Variants in ZNF827 observed in about 807,000 individuals in gnomAD.
ZNF827 encodes zinc finger protein 827.
ZNF827 carries 13 observed loss-of-function variants against 102.4 expected under a neutral mutation model. The ratio of observed to expected loss-of-function variants is 0.13; its 90% CI spans 0.08 to 0.20. The LOEUF is 0.20. Among genes scored for constraint, ZNF827 ranks in the 10% least tolerant of loss-of-function variants. ZNF827 has a pLI of 1.00. For synonymous variants in ZNF827, 523 were observed against 536.2 expected (o/e 0.98, Z 0.34); for missense variants, 1,103 against 1,344.4 (o/e 0.82, Z 2.81).
At chr4:145,887,959 A>G (rs538453792) in intron 3 of ZNF827, among the ~76,000 whole-genome samples, 10 of 152,340 alleles carry the variant, frequency 6.6e-5, no homozygotes, top group Admixed American at 5.2e-4. Context: ...GAGGGGAGCT[A>G]ATCCAAGAAC....
At position 145,763,356 on chromosome 4, in the gene ZNF827, C is replaced by A. The variant is rs941437981; in HGVS notation, c.3231-234G>T. Among the ~76,000 whole-genome samples the A allele has an allele frequency of 6.6e-6, 1 of 152,222 alleles. No homozygotes were observed. ...AGACACTCTCTCAGGCAAATTAATT[C>A]TCTGATATGGCAAAGGAAACAAAAC... On this transcript the variant is annotated intron_variant, in intron 13 of 14. Transcript: ENST00000508784. This position sits in a 1 kb window ranked among gnomAD's most constrained non-coding sequence, Gnocchi z 4.6.
chr4:145,836,128 C>A (rs927048094), intron 7 of ZNF827, among the ~76,000 whole-genome samples: 3 of 152,022 alleles, frequency 2.0e-5, no homozygotes, highest in African/African-American at 7.2e-5. Flanking sequence ...TCACAGACAG[C>A]CCCCGTTACT....
chr4:145,774,445 A>C lies in ZNF827; in HGVS notation c.2860+61T>G, dbSNP rs1215101909. 1.9e-6 allele frequency: 3 copies of C among 1,549,864 alleles called. No individual in the cohort carries two copies. The African/African-American group carries it at 4.1e-5, about 21-fold the overall frequency. On this transcript the variant is annotated intron_variant, in intron 11 of 14. Transcript: ENST00000508784. ...AGTGGGGATGCTTCGGCCAGGTGGCAGGTGCTCTGGGGTGCAGGGGATGGA... is the reference window on the plus strand; with the variant it reads ...AGTGGGGATGCTTCGGCCAGGTGGCCGGTGCTCTGGGGTGCAGGGGATGGA...
intron 5 of ZNF827, among the ~76,000 whole-genome samples, chr4:145,857,847 T>G (rs1371220669): frequency 6.6e-6 from 1 of 152,154 alleles, no homozygotes; most frequent in Non-Finnish European, 1.5e-5. Flanking sequence ...GCATTTGAAC[T>G]ATATATATGC....
intron 1 of ZNF827, among the ~76,000 whole-genome samples, chr4:145,935,636 CTT>C (rs2127008892): frequency 6.6e-6 from 1 of 152,306 alleles, no homozygotes; most frequent in South Asian, 2.1e-4. Flanking sequence ...GTAAAAGTGA[CTT>C]TATGTGACTG....
chr4:145,888,279 T>A (rs1750295459), intron 3 of ZNF827, among the ~76,000 whole-genome samples: 1 of 152,218 alleles, frequency 6.6e-6, no homozygotes, highest in African/African-American at 2.4e-5. Flanking sequence ...CTGCAGTTTT[T>A]CCCCCTTCTC....
chr4:145,827,679 T>C (rs1292935847), intron 7 of ZNF827, among the ~76,000 whole-genome samples: 1 of 152,246 alleles, frequency 6.6e-6, no homozygotes. Flanking sequence ...ATCCTTCTGG[T>C]ACCCAGATTA....
At chr4:145,878,656 A>AAGGAAGGGAGAGAGAGGAAGGGAGG (rs1579453470) in intron 4 of ZNF827, among the ~76,000 whole-genome samples, 3 of 113,908 alleles carry the variant, frequency 2.6e-5, no homozygotes, top group South Asian at 3.2e-4. Flanking sequence ...AAAGGAAAGG[A>AAGGAAGGGAGAGAGAGGAAGGGAGG]AAGGGAGAGA....
intron 1 of ZNF827, among the ~76,000 whole-genome samples, chr4:145,935,977 T>TG (rs1754134093): frequency 6.9e-6 from 1 of 144,928 alleles, no homozygotes; most frequent in South Asian, 2.1e-4. Flanking sequence ...CCCGCCAACA[T>TG]TTTTTTTTTT....
chr4:145,784,854 T>A (rs1422477017), intron 8 of ZNF827, among the ~76,000 whole-genome samples: 3 of 152,100 alleles, frequency 2.0e-5, no homozygotes, highest in Admixed American at 2.0e-4. Flanking sequence ...TGGTAACCTC[T>A]TTTTTTGTAC....
intron 1 of ZNF827, among the ~76,000 whole-genome samples, chr4:145,920,659 C>A (rs761999878): frequency 6.6e-6 from 1 of 152,216 alleles, no homozygotes; most frequent in Non-Finnish European, 1.5e-5. Context: ...TCTCTAAAGT[C>A]CTTTCCACCT....
chr4:145,931,637 C>T (rs1464514978), intron 1 of ZNF827, among the ~76,000 whole-genome samples: 1 of 152,222 alleles, frequency 6.6e-6, no homozygotes, highest in Non-Finnish European at 1.5e-5. Flanking sequence ...ATTACCAATA[C>T]ATCACTCAGA....
Position 145,938,632 on chromosome 4 carries a change from T to C in ZNF827, c.-225A>G. ...TTCCTTTCTTTTTTCCTTTTTTTTT[T>C]TTTTTTAAATTTTTGGTCGTGCACC... On this transcript the variant is annotated 5_prime_UTR_variant, in exon 1 of 15. Transcript: ENST00000508784. The C allele has an allele frequency of 1.8e-6, 1 of 560,322 alleles. No homozygotes were observed. The highest frequency in any genetic ancestry group is 3.2e-6 in the Non-Finnish European group (1 of 316,326). The allele number at this position is 560,322 out of a possible 1,614,324, so 34.7% of individuals were successfully genotyped here. A position where few individuals can be genotyped will look rare whatever the true frequency, so the allele number is the denominator to read the frequency against.
chr4:145,861,033 G>A (rs1278900951), intron 5 of ZNF827, among the ~76,000 whole-genome samples: 3 of 152,196 alleles, frequency 2.0e-5, no homozygotes, highest in Admixed American at 1.3e-4. Flanking sequence ...CTTGCCCAGT[G>A]GGTGACCCGG....
chr4:145,829,684 A>C (rs1029897155), intron 7 of ZNF827, among the ~76,000 whole-genome samples: 1 of 152,204 alleles, frequency 6.6e-6, no homozygotes, highest in Non-Finnish European at 1.5e-5. Context: ...GTGGGAGCCA[A>C]CGTGTTCTTT....
At chr4:145,805,467 A>G (rs1292547000) in intron 8 of ZNF827, among the ~76,000 whole-genome samples, 1 of 152,202 alleles carries the variant, frequency 6.6e-6, no homozygotes, top group Non-Finnish European at 1.5e-5. Flanking sequence ...CACCATCAAT[A>G]ATTAACTAAT....
chr4:145,803,099 T>C (rs1399804471), intron 8 of ZNF827, among the ~76,000 whole-genome samples: 1 of 152,214 alleles, frequency 6.6e-6, no homozygotes, highest in African/African-American at 2.4e-5. Context: ...TCATCACTTA[T>C]CTACTTTACC....
chr4:145,916,366 G>A (rs1752668140), intron 1 of ZNF827, among the ~76,000 whole-genome samples: 1 of 152,162 alleles, frequency 6.6e-6, no homozygotes, highest in Admixed American at 6.5e-5. Flanking sequence ...TGACACCTGG[G>A]GTGAACTGGG....
At chr4:145,856,154 A>G (rs538302880) in intron 5 of ZNF827, among the ~76,000 whole-genome samples, 3 of 151,954 alleles carry the variant, frequency 2.0e-5, no homozygotes, top group African/African-American at 7.2e-5. Context: ...GCCACCATGC[A>G]CGGCTAATTT....
Sources: allele counts gnomAD v4.1 joint callset (sites outside exome capture counted in the v4.1 genomes callset), GRCh38; gene constraint gnomAD v4.1.1; non-coding constraint Gnocchi (gnomAD v3.1); transcripts MANE v1.5; gene names NCBI Gene and HGNC (gene_info 2026-07-23, HGNC 2026-07-21).